Variants in DAAM2 observed in about 807,000 individuals in gnomAD.
The protein encoded by DAAM2 is dishevelled associated activator of morphogenesis 2.
In DAAM2, 39 loss-of-function variants were observed where a neutral mutation model predicts 120.7. The observed-to-expected ratio is 0.32, with a 90% confidence interval of 0.25 to 0.42. The LOEUF is 0.42. Ranked by LOEUF, DAAM2 falls within the 10% of genes least tolerant of loss-of-function variation. DAAM2 has a pLI of 1.00. For missense variants in DAAM2, 1,283 were observed against 1,401.7 expected (o/e 0.92, Z 1.35); for synonymous variants, 488 against 524.9 (o/e 0.93, Z 0.96).
chr6:39,819,147 C>T (rs181138460), intron 1 of DAAM2: 11 of 152,318 alleles, frequency 7.2e-5, no homozygotes, highest in African/African-American at 2.4e-4. Context: ...AGGCTACACC[C>T]CAGCTGGTGA....
rs1381491965 is a variant in DAAM2 at position 39,904,517 on chromosome 6, G to A, written c.*2480G>A. ...TTCTCTAGCTAATTTTGTGGCCAAT[G>A]TAAAATTCGTCATCAACCTAACAAA... On this transcript the variant is annotated 3_prime_UTR_variant, in exon 25 of 25. Transcript: ENST00000274867. The A allele has an allele frequency of 6.6e-6, 3 of 454,218 alleles. No homozygotes were observed. Among genetic ancestry groups the A allele is most frequent in the African/African-American group, 4.0e-5 (2 of 50,000 alleles). 28.1% of individuals were successfully genotyped at this position (454,218 alleles called of 1,614,324 possible).
chr6:39,828,570 C>CTTTTTTTTTT (rs1430820441), intron 1 of DAAM2, among the ~76,000 whole-genome samples: 20,675 of 141,736 alleles, frequency 0.15, 1,986 homozygotes, highest in South Asian at 0.29. Context: ...CCCCCTCCGT[C>CTTTTTTTTTT]TTTTTTTTTT....
intron 6 of DAAM2, 57 bp from the exon 7 acceptor site, chr6:39,868,766 C>A: frequency 7.7e-7 from 1 of 1,305,176 alleles, no homozygotes; most frequent in Non-Finnish European, 1.1e-6. Context: ...GATGCAAAGG[C>A]CACACCTGTT....
intron 7 of DAAM2, 81 bp from the exon 8 acceptor site, chr6:39,870,259 G>C: frequency 1.2e-6 from 1 of 805,068 alleles, no homozygotes; most frequent in Admixed American, 2.0e-5. Flanking sequence ...CTGTGGCTAG[G>C]GTGGTGATGA....
Position 39,875,411 on chromosome 6 carries a change from G to T in DAAM2, c.1244G>T (p.Gly415Val). 1 of 1,613,994 alleles carries T rather than the reference G, an allele frequency of 6.2e-7. No individual in the cohort carries two copies. ...CAGATTGTCCTCCAGGATGAGCGGG[G>T]TGTGGACCCTGACCTGGCTCCCTTG... ...LQQIVLQDERGVDPDLAPLEN... is the reference protein window; with the variant it reads ...LQQIVLQDERVVDPDLAPLEN... Residue 415 changes from glycine (G) to valine (V), a missense_variant, in exon 11 of 25, where the codon GGT becomes GTT. Transcript: ENST00000274867.
intron 21 of DAAM2, among the ~76,000 whole-genome samples, chr6:39,898,246 C>T (rs752506302): frequency 6.6e-6 from 1 of 152,226 alleles, no homozygotes; most frequent in Non-Finnish European, 1.5e-5. Flanking sequence ...AATCAGAGAG[C>T]ATCTCCTCTC....
intron 16 of DAAM2, 43 bp from the exon 17 acceptor site, chr6:39,888,636 A>T (rs769669718): frequency 6.4e-7 from 1 of 1,570,796 alleles, no homozygotes; most frequent in South Asian, 1.1e-5. Flanking sequence ...TTGGAGAAGA[A>T]GGTTTGAGGG....
chr6:39,843,797 G>A (rs535004414), intron 1 of DAAM2, among the ~76,000 whole-genome samples: 1 of 152,140 alleles, frequency 6.6e-6, no homozygotes, highest in Admixed American at 6.5e-5. Flanking sequence ...GTTTGGTCAT[G>A]CAAGCACTGA....
Position 39,896,847 on chromosome 6 carries a change from A to G in DAAM2, c.2377A>G (p.Lys793Glu), listed in dbSNP as rs1250496419. The G allele has an allele frequency of 6.2e-7, 1 of 1,609,518 alleles. No individual in the cohort carries two copies. Among genetic ancestry groups the G allele is most frequent in the Admixed American group, 1.7e-5 (1 of 59,528 alleles). Residue 793 changes from lysine to glutamate, a missense_variant, in exon 20 of 25, where the codon AAG becomes GAG. Transcript: ENST00000274867. ...GGCCTCCCGGGAGCTGGTCCGCAGC[A>G]AGCGTCTTAGACAGATGCTAGAGGT... ...LLASRELVRS[K>E]RLRQMLEVIL...
intron 1 of DAAM2, among the ~76,000 whole-genome samples, chr6:39,830,076 G>T (rs1304408672): frequency 2.6e-5 from 4 of 152,162 alleles, no homozygotes; most frequent in Admixed American, 1.3e-4. Flanking sequence ...CTTTCCGACT[G>T]GGAGATTTTT....
chr6:39,870,515 T>C (rs925462006), intron 8 of DAAM2, 72 bp downstream of exon 8: 1 of 961,880 alleles, frequency 1.0e-6, no homozygotes, highest in African/African-American at 1.6e-5. Flanking sequence ...GTTGGGACCT[T>C]TGTGAAGGCT....
rs544284919 is a variant in DAAM2, at chr6:39,865,440, G to GC, written c.428+370dup. 3.3e-5 allele frequency among the ~76,000 whole-genome samples: 5 copies of GC among 152,314 alleles called. No individual in the cohort carries two copies. The East Asian group carries it at 9.6e-4, about 29-fold the overall frequency. ...GTGAGGATGAGGGGGCAGGGTGAGT[G>GC]CCCCATCCAGGAAAAGAGGGACGCA... On this transcript the variant is annotated intron_variant, in intron 5 of 24. Coordinates refer to ENST00000274867, the MANE Select transcript of DAAM2 (RefSeq NM_001201427.2).
At chr6:39,893,313 G>A (rs1267252380) in intron 19 of DAAM2, among the ~76,000 whole-genome samples, 5 of 152,188 alleles carry the variant, frequency 3.3e-5, no homozygotes, top group African/African-American at 1.2e-4. Flanking sequence ...TCAGGAGATT[G>A]AGACCACTCT....
At chr6:39,887,366 TCCCCC>T in intron 15 of DAAM2, 115 bp from the exon 16 acceptor site, 2 of 656,766 alleles carry the variant, frequency 3.0e-6, no homozygotes, top group Admixed American at 2.7e-5. Flanking sequence ...GTCTTTTTCT[TCCCCC>T]TTCCCCTCAC....
Position 39,856,391 on chromosome 6 carries a change from A to G in DAAM2, c.89A>G (p.Asn30Ser), listed in dbSNP as rs1275811856. Reference protein sequence around the residue: ...SDIPEINLRDNHPLQFMEFSS... With the variant: ...SDIPEINLRDSHPLQFMEFSS... ...ATCCCCGAAATCAACCTCCGGGACA[A>G]CCACCCTCTGCAGTTCATGGAGTTC... The change falls in exon 2 of 25, where the codon AAC (asparagine) becomes AGC (serine). Residue 30 changes from asparagine to serine, a missense_variant. Coordinates refer to ENST00000274867, the MANE Select transcript of DAAM2 (RefSeq NM_001201427.2). 1.9e-6 allele frequency: 3 copies of G among 1,552,606 alleles called. No homozygotes were observed. The highest frequency in any genetic ancestry group is 2.6e-6 in the Non-Finnish European group (3 of 1,149,134).
intron 13 of DAAM2, 57 bp from the exon 14 acceptor site, chr6:39,879,121 C>T: frequency 8.8e-7 from 1 of 1,141,278 alleles, no homozygotes; most frequent in East Asian, 2.6e-5. Flanking sequence ...TGGTGGGAGA[C>T]CTGAATGGCA....
intron 14 of DAAM2, among the ~76,000 whole-genome samples, chr6:39,881,456 C>T (rs1014152120): frequency 2.6e-5 from 4 of 152,206 alleles, no homozygotes; most frequent in African/African-American, 7.2e-5. Flanking sequence ...CGGTGGCTCA[C>T]GCCTGTAATC....
intron 1 of DAAM2, among the ~76,000 whole-genome samples, chr6:39,853,309 G>T (rs1242335958): frequency 2.0e-5 from 3 of 152,196 alleles, no homozygotes; most frequent in Non-Finnish European, 4.4e-5. Context: ...TTAGGGTTTG[G>T]TTGGGAGGGC....
At chr6:39,810,588 A>C (rs1582603251) in intron 1 of DAAM2, among the ~76,000 whole-genome samples, 2 of 150,292 alleles carry the variant, frequency 1.3e-5, no homozygotes, top group Admixed American at 6.6e-5. Flanking sequence ...ACCCCAGCCC[A>C]CCTCTCCCCT....
Sources: gnomAD v4.1 joint callset for allele counts (sites outside exome capture counted in the v4.1 genomes callset) on GRCh38, gnomAD v4.1.1 for gene constraint, MANE v1.5 for transcripts, NCBI Gene and HGNC (gene_info 2026-07-23, HGNC 2026-07-21) for gene names.